Variants in EPB41 observed in about 807,000 individuals in gnomAD.
The protein encoded by EPB41 is erythrocyte membrane protein band 4.1.
EPB41 carries 65 observed loss-of-function variants against 108.0 expected under a neutral mutation model. That is an observed-to-expected ratio of 0.60 (90% CI 0.49 to 0.74). EPB41 has a LOEUF of 0.74. EPB41 is among the 30% of genes least tolerant of loss of function. The pLI, the probability that EPB41 is intolerant of heterozygous loss-of-function variation, is 0.00. For missense variants in EPB41, 875 were observed against 1,037.0 expected (o/e 0.84, Z 2.15); for synonymous variants, 336 against 358.9 (o/e 0.94, Z 0.72).
At chr1:28,949,425 G>C (rs1443452824) in intron 1 of EPB41, among the ~76,000 whole-genome samples, 46 of 152,080 alleles carry the variant, frequency 3.0e-4, no homozygotes, top group Admixed American at 3.0e-3. Flanking sequence ...GAGTGACAGA[G>C]TGAGACCCTG....
chr1:29,047,981 A>G (rs952492866), intron 11 of EPB41, among the ~76,000 whole-genome samples: 1 of 151,078 alleles, frequency 6.6e-6, no homozygotes, highest in Non-Finnish European at 1.5e-5. Context: ...ACGAGGTTTC[A>G]CCATGTTGGT....
chr1:29,036,033 C>T, intron 10 of EPB41, 110 bp downstream of exon 10: 1 of 802,116 alleles, frequency 1.2e-6, no homozygotes, highest in Non-Finnish European at 2.1e-6. Flanking sequence ...TTTTATTTAG[C>T]TCAGGTGAGA....
chr1:29,018,299 A>G lies in EPB41; in HGVS notation c.981A>G (p.Leu327=), dbSNP rs755045440. The change falls in exon 7 of 21, where the codon TTA becomes TTG. Residue 327 remains leucine (L), a synonymous_variant. Transcript: ENST00000343067. The surrounding 1 kb of genome is among the most constrained non-coding windows in gnomAD (Gnocchi z 4.4). The part of the protein sequence containing the change: ...RLPCSFATLA[L]LGSYTIQSEL... Reference sequence around the variant, plus strand: ...CCTGTTCCTTTGCAACCTTAGCATTATTAGGTTCTTACACCATCCAGTCTG... The same window carrying G: ...CCTGTTCCTTTGCAACCTTAGCATTGTTAGGTTCTTACACCATCCAGTCTG... 8.7e-6 allele frequency: 14 copies of G among 1,614,030 alleles called. No homozygotes were observed. Among genetic ancestry groups the G allele is most frequent in the African/African-American group, 6.7e-5 (5 of 74,892 alleles).
chr1:28,972,097 A>T (rs2095509481), intron 1 of EPB41, among the ~76,000 whole-genome samples: 1 of 151,800 alleles, frequency 6.6e-6, no homozygotes, highest in African/African-American at 2.4e-5. Context: ...AATTTTTTGT[A>T]TCCTTTGTAG....
intron 16 of EPB41, among the ~76,000 whole-genome samples, chr1:29,092,903 A>G (rs1157694620): frequency 6.6e-6 from 1 of 152,164 alleles, no homozygotes; most frequent in Non-Finnish European, 1.5e-5. Flanking sequence ...TTATGGCTGC[A>G]TAGTATTCCA....
intron 10 of EPB41, among the ~76,000 whole-genome samples, chr1:29,038,159 A>C (rs938729825): frequency 6.6e-6 from 1 of 152,250 alleles, no homozygotes; most frequent in African/African-American, 2.4e-5. Flanking sequence ...ATTCAAGGAA[A>C]TTAATATTTC....
At chr1:29,000,145 A>G (rs939321244) in intron 4 of EPB41, among the ~76,000 whole-genome samples, 2 of 151,510 alleles carry the variant, frequency 1.3e-5, no homozygotes, top group African/African-American at 4.9e-5. Context: ...GTCACCCAGT[A>G]TGGAGTGCAA....
chr1:28,892,504 C>T (rs1041468740), intron 1 of EPB41, among the ~76,000 whole-genome samples: 1 of 151,968 alleles, frequency 6.6e-6, no homozygotes, highest in Non-Finnish European at 1.5e-5. Flanking sequence ...GGTAGATCAC[C>T]TGAGGTCAGG....
chr1:29,059,878 A>ATAC (rs1646208076), intron 14 of EPB41, among the ~76,000 whole-genome samples: 1 of 152,310 alleles, frequency 6.6e-6, no homozygotes, highest in Admixed American at 6.5e-5. Context: ...ATCAGTCTGA[A>ATAC]TCAGTTAACT....
chr1:29,067,556 A>G (rs1648869824), intron 16 of EPB41, among the ~76,000 whole-genome samples: 1 of 145,774 alleles, frequency 6.9e-6, no homozygotes, highest in Admixed American at 7.0e-5. Flanking sequence ...AATCTCAGCT[A>G]CTTGGGAGGC....
intron 16 of EPB41, chr1:29,096,056 A>G (rs927826291): frequency 2.8e-6 from 2 of 706,672 alleles, no homozygotes; most frequent in South Asian, 1.3e-4. Context: ...ATTAGTAGCA[A>G]TATTTTTGAG....
intron 1 of EPB41, among the ~76,000 whole-genome samples, chr1:28,892,028 G>C (rs1201462652): frequency 2.1e-5 from 3 of 140,840 alleles, no homozygotes; most frequent in Non-Finnish European, 4.5e-5. Flanking sequence ...AGGAGGCGGA[G>C]GTTGCAGTGA....
chr1:28,992,185 C>G (rs543300748), intron 2 of EPB41, among the ~76,000 whole-genome samples: 8 of 152,220 alleles, frequency 5.3e-5, no homozygotes, highest in Middle Eastern at 3.4e-3. Flanking sequence ...CATGAAAGAT[C>G]GGAAGGAGTC....
chr1:29,033,977 C>CTG (rs1319873640), intron 9 of EPB41, among the ~76,000 whole-genome samples: 3 of 152,126 alleles, frequency 2.0e-5, no homozygotes, highest in African/African-American at 7.2e-5. Flanking sequence ...GAGATGACAG[C>CTG]TGTGTAAGTT....
At chr1:29,012,738 G>A (rs1278202228) in intron 5 of EPB41, among the ~76,000 whole-genome samples, 1 of 152,146 alleles carries the variant, frequency 6.6e-6, no homozygotes, top group African/African-American at 2.4e-5. Context: ...AAACACTTTT[G>A]TTATGGTGAA....
chr1:28,911,085 G>A, upstream of EPB41: 1 of 985,364 alleles, frequency 1.0e-6, no homozygotes, highest in Non-Finnish European at 1.2e-6. Flanking sequence ...AGAAGTCTGA[G>A]AGGGCAGATG....
At chr1:29,033,298 A>G (rs2096813722) in intron 9 of EPB41, 53 bp downstream of exon 9, 4 of 1,592,588 alleles carry the variant, frequency 2.5e-6, no homozygotes, top group Non-Finnish European at 3.4e-6. Flanking sequence ...TGTATCTGAA[A>G]TATCTACATT....
At chr1:28,913,299 G>A (rs557548500), upstream of EPB41, among the ~76,000 whole-genome samples, 14 of 152,206 alleles carry the variant, frequency 9.2e-5, no homozygotes, top group Middle Eastern at 3.4e-3. Context: ...TTAGCTGGGC[G>A]TGGTGGTACA....
chr1:29,112,364 C>A lies in EPB41; in HGVS notation c.2416-4C>A. 1 of 1,609,328 alleles carries A rather than the reference C, an allele frequency of 6.2e-7. No homozygotes were observed. The highest frequency in any genetic ancestry group is 8.5e-7 in the Non-Finnish European group (1 of 1,177,060). ...CTCATATGACATCTTCTCTTTGGTTCCAGACTGTAAAAGGTGGGATTTCAG... is the reference window on the plus strand; with the variant it reads ...CTCATATGACATCTTCTCTTTGGTTACAGACTGTAAAAGGTGGGATTTCAG... On this transcript the variant is annotated splice_region_variant and splice_polypyrimidine_tract_variant and intron_variant, in intron 18 of 20. Transcript: ENST00000343067.
Sources: allele counts gnomAD v4.1 joint callset (sites outside exome capture counted in the v4.1 genomes callset), GRCh38; gene constraint gnomAD v4.1.1; non-coding constraint Gnocchi (gnomAD v3.1); transcripts MANE v1.5; gene names NCBI Gene and HGNC (gene_info 2026-07-23, HGNC 2026-07-21).